VANGL2: variants seen among roughly 807,000 people sequenced by gnomAD.
The protein encoded by VANGL2 is VANGL planar cell polarity protein 2, also known as vang-like protein 2.
VANGL2 carries 14 observed loss-of-function variants against 50.2 expected under a neutral mutation model. That is an observed-to-expected ratio of 0.28 (90% CI 0.18 to 0.44). VANGL2 has a LOEUF of 0.44. Among genes scored for constraint, VANGL2 ranks in the 20% least tolerant of loss-of-function variants. The probability of loss-of-function intolerance (pLI) is 1.00; values close to 1 mark genes in which losing one functional copy is unlikely to be tolerated. For synonymous variants in VANGL2, 295 were observed against 297.2 expected (o/e 0.99, Z 0.08); for missense variants, 533 against 701.5 (o/e 0.76, Z 2.71).
chr1:160,425,012 G>A (rs1473689131), intron 7 of VANGL2, 106 bp from the exon 8 acceptor site: 54 of 1,523,106 alleles, frequency 3.5e-5, no homozygotes, highest in Non-Finnish European at 4.9e-5. Context: ...TATGCATAGA[G>A]TGAGCTCAGG....
At chr1:160,407,993 C>G (rs2147474) in intron 1 of VANGL2, among the ~76,000 whole-genome samples, 23,575 of 152,196 alleles carry the variant, frequency 0.15, 3,656 homozygotes, top group African/African-American at 0.41. Flanking sequence ...ATGCCAGGGG[C>G]ATTACTCACC....
chr1:160,417,176 GCAGT>G (rs1302953049), intron 3 of VANGL2, among the ~76,000 whole-genome samples: 1 of 152,130 alleles, frequency 6.6e-6, no homozygotes, highest in Non-Finnish European at 1.5e-5. Context: ...TGAGCTGAAG[GCAGT>G]CAGTGCATCT....
intron 1 of VANGL2, among the ~76,000 whole-genome samples, chr1:160,405,302 C>T (rs1163796213): frequency 6.6e-6 from 1 of 152,094 alleles, no homozygotes; most frequent in African/African-American, 2.4e-5. Flanking sequence ...CACATTCTAC[C>T]CTACGGCGGC....
At chr1:160,401,360 G>T (rs553897289) in intron 1 of VANGL2, among the ~76,000 whole-genome samples, 6 of 152,118 alleles carry the variant, frequency 3.9e-5, no homozygotes, top group Non-Finnish European at 8.8e-5. Flanking sequence ...GTGGAGTCAG[G>T]GGGGCGGGTT....
chr1:160,415,537 A>G, intron 1 of VANGL2, 111 bp from the exon 2 acceptor site: 1 of 444,450 alleles, frequency 2.2e-6, no homozygotes, highest in South Asian at 2.1e-5. Context: ...TTCTCAGGCT[A>G]TGGCTGGGCT....
intron 1 of VANGL2, among the ~76,000 whole-genome samples, chr1:160,401,484 C>T (rs1650461511): frequency 6.6e-6 from 1 of 152,038 alleles, no homozygotes; most frequent in Non-Finnish European, 1.5e-5. Flanking sequence ...CATATTTACC[C>T]ATCTGGGGGA....
At chr1:160,401,165 C>T (rs1030635265) in intron 1 of VANGL2, among the ~76,000 whole-genome samples, 17 of 151,834 alleles carry the variant, frequency 1.1e-4, no homozygotes, top group African/African-American at 4.1e-4. Context: ...TGGGCCCGGG[C>T]GGGGGCCTTA....
chr1:160,425,611 C>A lies in VANGL2; in HGVS notation c.*233C>A. 4 of 545,434 alleles carry A rather than the reference C, an allele frequency of 7.3e-6. No homozygotes were observed. The highest frequency in any genetic ancestry group is 3.2e-5 in the Admixed American group (1 of 31,018). 33.8% of individuals were successfully genotyped at this position (545,434 alleles called of 1,614,324 possible). ...TACCTGGGAAGGACTCCCACCTCAC[C>A]AACAACTTTTGTATTACTCTAGGCC... is the stretch of plus-strand genomic sequence containing the variant. On this transcript the variant is annotated 3_prime_UTR_variant, in exon 8 of 8. Coordinates refer to ENST00000368061, the MANE Select transcript of VANGL2 (RefSeq NM_020335.3).
chr1:160,417,128 G>A (rs921373984), intron 3 of VANGL2, among the ~76,000 whole-genome samples: 1 of 152,148 alleles, frequency 6.6e-6, no homozygotes, highest in Non-Finnish European at 1.5e-5. Flanking sequence ...TGGGCAGTAT[G>A]TCTAGGGGTC....
In VANGL2 at chr1:160,419,157, A is replaced by G. The variant is rs1237874711; in HGVS notation, c.348A>G (p.Ala116=). The G allele has an allele frequency of 6.2e-6, 10 of 1,614,034 alleles. No homozygotes were observed. Among genetic ancestry groups the G allele is most frequent in the Non-Finnish European group, 7.6e-6 (9 of 1,180,016 alleles). The change falls in exon 4 of 8, where the codon GCA becomes GCG. Residue 116 remains alanine, a synonymous_variant. Transcript: ENST00000368061. The surrounding 1 kb of genome is among the most constrained non-coding windows in gnomAD (Gnocchi z 5.8). ...HLGVAAGATL[A]LLSFLTPLAF... Reference sequence around the variant, plus strand: ...GTGTGGCAGCGGGGGCCACCCTGGCACTGCTGTCTTTCCTCACGCCTCTGG... The same window carrying G: ...GTGTGGCAGCGGGGGCCACCCTGGCGCTGCTGTCTTTCCTCACGCCTCTGG...
chr1:160,424,545 G>A (rs1651386106), intron 7 of VANGL2, among the ~76,000 whole-genome samples: 1 of 152,042 alleles, frequency 6.6e-6, no homozygotes, highest in African/African-American at 2.4e-5. Flanking sequence ...TCTCTATGAG[G>A]GCTCCGGAAT....
chr1:160,415,695 T>G lies in VANGL2; in HGVS notation c.-143T>G. 1 of 935,098 alleles carries G rather than the reference T, an allele frequency of 1.1e-6. No individual in the cohort carries two copies. Among genetic ancestry groups the G allele is most frequent in the South Asian group, 1.5e-5 (1 of 68,258 alleles). 57.9% of individuals were successfully genotyped at this position (935,098 alleles called of 1,614,324 possible). A position where few individuals can be genotyped will look rare whatever the true frequency, so the allele number is the denominator to read the frequency against. On this transcript the variant is annotated 5_prime_UTR_variant, in exon 2 of 8. Transcript: ENST00000368061. Reference sequence around the variant, plus strand: ...AGACAAGCCCACCCGTCCAGCAAAATAGAGTCCCTCAGGGTGACAGTTGAC... The same window carrying G: ...AGACAAGCCCACCCGTCCAGCAAAAGAGAGTCCCTCAGGGTGACAGTTGAC...
intron 5 of VANGL2, 79 bp downstream of exon 5, chr1:160,420,626 G>A (rs905010003): frequency 1.2e-6 from 2 of 1,607,390 alleles, no homozygotes; most frequent in African/African-American, 2.7e-5. Flanking sequence ...TTTACCCTTT[G>A]TCCCTTGCTT....
chr1:160,424,664 G>A (rs1015225168), intron 7 of VANGL2, among the ~76,000 whole-genome samples: 1 of 152,186 alleles, frequency 6.6e-6, no homozygotes, highest in Non-Finnish European at 1.5e-5. Context: ...TCTATTGCCA[G>A]CTTCCTAGAA....
intron 6 of VANGL2, among the ~76,000 whole-genome samples, chr1:160,422,155 C>T (rs574499784): frequency 6.6e-6 from 1 of 152,286 alleles, no homozygotes; most frequent in African/African-American, 2.4e-5. Context: ...CAAGAGGTAG[C>T]CCTTACCTTG....
At position 160,419,657 on chromosome 1, in the gene VANGL2, G is replaced by A; in HGVS notation, c.800+48G>A. The A allele has an allele frequency of 6.3e-7, 1 of 1,590,844 alleles. No homozygotes were observed. Among genetic ancestry groups the A allele is most frequent in the Non-Finnish European group, 8.5e-7 (1 of 1,176,756 alleles). On this transcript the variant is annotated intron_variant, in intron 4 of 7. Coordinates refer to ENST00000368061, the MANE Select transcript of VANGL2 (RefSeq NM_020335.3). The surrounding 1 kb of genome is among the most constrained non-coding windows in gnomAD (Gnocchi z 5.8). The stretch of plus-strand genomic sequence containing the variant: ...GGGTTGGGAGGGAAAGGGCATGGGA[G>A]GATGTGGAGTGACTGCTAGGGTGGG...
chr1:160,410,696 A>ACACACACG (rs958609395), intron 1 of VANGL2, among the ~76,000 whole-genome samples: 5 of 149,338 alleles, frequency 3.3e-5, no homozygotes, highest in African/African-American at 1.2e-4. Flanking sequence ...ACACACACAC[A>ACACACACG]CACGCACGCA....
chr1:160,409,982 T>C (rs1011967070), intron 1 of VANGL2, among the ~76,000 whole-genome samples: 2 of 152,042 alleles, frequency 1.3e-5, no homozygotes, highest in African/African-American at 4.8e-5. Context: ...GGGAAAGGGG[T>C]GCAAGGCATA....
chr1:160,402,715 A>C (rs1486476179), intron 1 of VANGL2, among the ~76,000 whole-genome samples: 1 of 152,066 alleles, frequency 6.6e-6, no homozygotes, highest in East Asian at 1.9e-4. Context: ...TATACTCATC[A>C]TCATGATAGT....
Sources: allele counts gnomAD v4.1 joint callset (sites outside exome capture counted in the v4.1 genomes callset), GRCh38; gene constraint gnomAD v4.1.1; non-coding constraint Gnocchi (gnomAD v3.1); transcripts MANE v1.5; gene names NCBI Gene and HGNC (gene_info 2026-07-23, HGNC 2026-07-21).